The following EIF4G3 variants were observed in gnomAD, a reference collection of about 807,000 sequenced individuals.
The protein encoded by EIF4G3 is eukaryotic translation initiation factor 4 gamma 3, also known as eIF-4-gamma 3.
In EIF4G3, 34 loss-of-function variants were observed where a neutral mutation model predicts 186.4. The observed-to-expected ratio is 0.18, with a 90% CI of 0.14 to 0.24. The LOEUF (loss-of-function observed/expected upper bound fraction) is 0.24. Among genes scored for constraint, EIF4G3 ranks in the 10% least tolerant of loss-of-function variants. The pLI is 1.00. For missense variants in EIF4G3, 1,536 were observed against 1,948.5 expected, an observed-to-expected ratio of 0.79 and a Z score of 3.99; for synonymous variants, 673 against 679.5, an observed-to-expected ratio of 0.99 and a Z score of 0.15.
chr1:20,898,145 T>C (rs2088990493), intron 16 of EIF4G3, among the ~76,000 whole-genome samples: 1 of 152,008 alleles, frequency 6.6e-6, no homozygotes, highest in African/African-American at 2.4e-5. Flanking sequence ...AAAAGTTTTA[T>C]GATAGCATAA....
intron 14 of EIF4G3, among the ~76,000 whole-genome samples, chr1:20,923,668 A>G (rs939739099): frequency 2.0e-5 from 3 of 152,080 alleles, no homozygotes; most frequent in Admixed American, 1.3e-4. Flanking sequence ...CCATCTGACC[A>G]TCAGTGAGTC....
chr1:20,889,455 G>A (rs572118946), intron 18 of EIF4G3, among the ~76,000 whole-genome samples: 25 of 152,122 alleles, frequency 1.6e-4, no homozygotes, highest in Non-Finnish European at 3.4e-4. Context: ...TTTCTGTGAT[G>A]TCCGCAAAAA....
rs144305852 is a variant in EIF4G3 at position 20,852,050 on chromosome 1, C to A, written c.3552-572G>T. ...CAGTGATAATTTTGGTAATTTCTTT[C>A]TCTTTTCTTTTTTGAGATGGAGTTT... On this transcript the variant is annotated intron_variant, in intron 27 of 36. Transcript: ENST00000602326. 4.6e-5 allele frequency among the ~76,000 whole-genome samples: 7 copies of A among 152,266 alleles called. No homozygotes were observed. The East Asian group carries it at 1.4e-3, about 29-fold the overall frequency.
intron 5 of EIF4G3, among the ~76,000 whole-genome samples, chr1:21,002,283 A>G (rs2083720935): frequency 6.6e-6 from 1 of 152,216 alleles, no homozygotes; most frequent in Non-Finnish European, 1.5e-5. Flanking sequence ...ATCTAATAAC[A>G]CTGATTCAAA....
chr1:20,923,270 A>G (rs1463637121), intron 14 of EIF4G3, among the ~76,000 whole-genome samples: 1 of 152,230 alleles, frequency 6.6e-6, no homozygotes, highest in East Asian at 1.9e-4. Flanking sequence ...GCAAAGTGAC[A>G]CTAAGTAGGT....
chr1:20,929,060 A>G (rs2095138034), intron 14 of EIF4G3, among the ~76,000 whole-genome samples: 1 of 152,142 alleles, frequency 6.6e-6, no homozygotes, highest in Non-Finnish European at 1.5e-5. Context: ...TGTGAATTTC[A>G]TTCCTTATCA....
At chr1:20,964,588 A>G (rs550720270) in intron 12 of EIF4G3, among the ~76,000 whole-genome samples, 29 of 152,306 alleles carry the variant, frequency 1.9e-4, no homozygotes, top group Admixed American at 1.5e-3. Flanking sequence ...CAGAAACCCA[A>G]TGCAGTTTCC....
At chr1:21,003,287 T>C (rs2084092345) in intron 4 of EIF4G3, among the ~76,000 whole-genome samples, 1 of 151,848 alleles carries the variant, frequency 6.6e-6, no homozygotes, top group Non-Finnish European at 1.5e-5. Context: ...GAACAACTTT[T>C]TAATTTTTTT....
chr1:21,135,435 A>C (rs7527576), intron 2 of EIF4G3, among the ~76,000 whole-genome samples: 50,868 of 152,132 alleles, frequency 0.33, 9,245 homozygotes, highest in Non-Finnish European at 0.41. Context: ...TGGGAGGCAG[A>C]GGTTGCAATG....
chr1:20,833,179 T>A (rs1199827836), intron 30 of EIF4G3, among the ~76,000 whole-genome samples: 1 of 141,220 alleles, frequency 7.1e-6, no homozygotes, highest in Non-Finnish European at 1.5e-5. Flanking sequence ...GGGATGGCAC[T>A]GAATCTGTAA....
chr1:20,883,975 A>C (rs1055525921), intron 19 of EIF4G3, among the ~76,000 whole-genome samples: 25 of 152,322 alleles, frequency 1.6e-4, no homozygotes, highest in African/African-American at 6.0e-4. Flanking sequence ...TAGGGGTAGA[A>C]GCCCAGACAT....
intron 4 of EIF4G3, among the ~76,000 whole-genome samples, chr1:21,039,654 C>A (rs1164481853): frequency 6.6e-6 from 1 of 152,016 alleles, no homozygotes; most frequent in East Asian, 1.9e-4. Flanking sequence ...CAGAATGAGA[C>A]CTGTCTCAAA....
At chr1:20,830,687 C>T (rs1432362905) in intron 30 of EIF4G3, among the ~76,000 whole-genome samples, 1 of 152,114 alleles carries the variant, frequency 6.6e-6, no homozygotes, top group African/African-American at 2.4e-5. Flanking sequence ...TATTTTATCT[C>T]ATTACAAATA....
chr1:21,029,469 G>C (rs933486597), intron 4 of EIF4G3, among the ~76,000 whole-genome samples: 5 of 152,110 alleles, frequency 3.3e-5, no homozygotes, highest in Non-Finnish European at 7.4e-5. Context: ...TTGAGTCGGG[G>C]GGGGGAAGGG....
intron 20 of EIF4G3, among the ~76,000 whole-genome samples, chr1:20,876,628 G>A (rs893211040): frequency 2.0e-5 from 3 of 152,114 alleles, no homozygotes; most frequent in Non-Finnish European, 4.4e-5. Context: ...ACTGGCTGGG[G>A]CTGCAAGCAG....
At chr1:21,123,240 A>G (rs1429145286) in intron 2 of EIF4G3, among the ~76,000 whole-genome samples, 1 of 152,132 alleles carries the variant, frequency 6.6e-6, no homozygotes, top group Non-Finnish European at 1.5e-5. Context: ...CAGTTCATCA[A>G]AAAAAGAAAG....
chr1:20,915,212 T>G (rs2093722585), intron 14 of EIF4G3, among the ~76,000 whole-genome samples: 1 of 152,178 alleles, frequency 6.6e-6, no homozygotes, highest in African/African-American at 2.4e-5. Context: ...GGTCTGTGAC[T>G]CCTCTGGAGG....
intron 2 of EIF4G3, among the ~76,000 whole-genome samples, chr1:21,158,599 C>G (rs1293593420): frequency 6.6e-6 from 1 of 152,162 alleles, no homozygotes; most frequent in African/African-American, 2.4e-5. Context: ...ACCTGGTACA[C>G]AAGATTTAAC....
chr1:21,084,230 T>C (rs1387426930), intron 3 of EIF4G3, among the ~76,000 whole-genome samples: 2 of 149,014 alleles, frequency 1.3e-5, no homozygotes, highest in Admixed American at 6.7e-5. Flanking sequence ...ACTGTGTAAT[T>C]TAAAAAAAAA....
Sources: allele counts gnomAD v4.1 joint callset (sites outside exome capture counted in the v4.1 genomes callset), GRCh38; gene constraint gnomAD v4.1.1; transcripts MANE v1.5; gene names NCBI Gene and HGNC (gene_info 2026-07-23, HGNC 2026-07-21).